The following MEFV variants were observed in gnomAD, a reference collection of about 807,000 sequenced individuals.
The protein encoded by MEFV is pyrin.
In MEFV, 60 loss-of-function variants were observed where a neutral mutation model predicts 62.5. The observed-to-expected ratio is 0.96, with a 90% confidence interval of 0.78 to 1.19. MEFV has a LOEUF of 1.19. MEFV is among the 50% of genes most tolerant of loss of function. MEFV has a pLI of 0.00. For synonymous variants in MEFV, 500 were observed against 415.2 expected, an observed-to-expected ratio of 1.20 and a Z score of -2.48; for missense variants, 1,169 against 1,004.5, an observed-to-expected ratio of 1.16 and a Z score of -2.21.
In MEFV at chr16:3,254,278, C is replaced by G; in HGVS notation, c.790G>C (p.Glu264Gln). Reference protein sequence around the residue: ...PANPEILLTLEEKTAANLDSA... With the variant: ...PANPEILLTLQEKTAANLDSA... ...TCCAGATTCGCAGCTGTCTTTTCCT[C>G]TAGAGTCAGGAGAATTTCTGGATTT... is the stretch of plus-strand genomic sequence containing the variant. The change falls in exon 2 of 10, where the codon GAG (glutamate) becomes CAG (glutamine). Residue 264 changes from glutamate (E) to glutamine (Q), a missense_variant. Physicochemically the swap from Glu to Gln is conservative, Grantham distance 29. Transcript: ENST00000219596. 6.2e-7 allele frequency: 1 copy of G among 1,614,262 alleles called. No homozygotes were observed. Among genetic ancestry groups the G allele is most frequent in the East Asian group, 2.2e-5 (1 of 44,886 alleles).
intron 1 of MEFV, 28 bp downstream of exon 1, chr16:3,256,283 G>A: frequency 6.2e-7 from 1 of 1,610,942 alleles, no homozygotes; most frequent in Non-Finnish European, 8.5e-7. Flanking sequence ...CTCAGCACTG[G>A]ATGAGGAGGA....
chr16:3,249,065 C>G, intron 3 of MEFV, 61 bp from the exon 4 acceptor site: 7 of 1,522,082 alleles, frequency 4.6e-6, no homozygotes, highest in Non-Finnish European at 5.5e-6. Context: ...TAGCTGGTGC[C>G]AACTCTGGAG....
At position 3,249,674 on chromosome 16, in the gene MEFV, A is replaced by G. The variant is rs1567234772; in HGVS notation, c.1017T>C (p.Ser339=). ...RDSCSFPEAV[S]GHPQASGSRS... is the part of the protein sequence containing the mutation. ...GGCTGCCTGAGGCCTGGGGGTGCCCAGAAACTGCCTCGGGGAAGCTGCAGG... is the reference window on the plus strand; with the variant it reads ...GGCTGCCTGAGGCCTGGGGGTGCCCGGAAACTGCCTCGGGGAAGCTGCAGG... Residue 339 remains serine (S), a synonymous_variant, in exon 3 of 10, where the codon TCT becomes TCC. Transcript: ENST00000219596. 27 of 1,612,992 alleles carry G rather than the reference A, an allele frequency of 1.7e-5. No homozygotes were observed. Among genetic ancestry groups the G allele is most frequent in the Non-Finnish European group, 2.2e-5 (26 of 1,179,152 alleles).
intron 9 of MEFV, 59 bp downstream of exon 9, chr16:3,243,801 T>C (rs1958897690): frequency 1.9e-6 from 3 of 1,608,410 alleles, no homozygotes; most frequent in African/African-American, 2.7e-5. Context: ...TGGAACGTGG[T>C]AGGGGAGAGC....
chr16:3,248,720 C>CT, intron 4 of MEFV, 189 bp downstream of exon 4: 1 of 985,330 alleles, frequency 1.0e-6, no homozygotes, highest in Non-Finnish European at 1.2e-6. Flanking sequence ...GAGGTGACCC[C>CT]TGCCTGCTGG....
Position 3,254,301 on chromosome 16 carries a change from T to C in MEFV, c.767A>G (p.Asn256Ser), listed in dbSNP as rs1347999744. Residue 256 changes from asparagine (N) to serine (S), a missense_variant, in exon 2 of 10, where the codon AAT (asparagine) becomes AGT (serine). Coordinates refer to ENST00000219596, the MANE Select transcript of MEFV (RefSeq NM_000243.3). Reference sequence around the variant, plus strand: ...CTCTAGAGTCAGGAGAATTTCTGGATTTGCGGGCGCCTTCTCCCCTGTAGA... The same window carrying C: ...CTCTAGAGTCAGGAGAATTTCTGGACTTGCGGGCGCCTTCTCCCCTGTAGA... ...TISTGEKAPA[N>S]PEILLTLEEK... 6.2e-7 allele frequency: 1 copy of C among 1,614,110 alleles called. No individual in the cohort carries two copies. Among genetic ancestry groups the C allele is most frequent in the Non-Finnish European group, 8.5e-7 (1 of 1,180,034 alleles).
rs984945497 is a variant in MEFV, at chr16:3,254,201, C to A, written c.867G>T (p.Ala289=). ...ARPTPDGGAS[A]DLKEGPGNPE... ...GATTTCCAGGGCCTTCCTTCAGGTC[C>A]GCAGATGCCCCTCCATCCGGAGTGG... The change falls in exon 2 of 10, where the codon GCG becomes GCT. Residue 289 remains alanine, a synonymous_variant. Transcript: ENST00000219596. 6.2e-7 allele frequency: 1 copy of A among 1,614,244 alleles called. No homozygotes were observed. The highest frequency in any genetic ancestry group is 8.5e-7 in the Non-Finnish European group (1 of 1,180,042).
chr16:3,243,009 G>A lies in MEFV; in HGVS notation c.*132C>T, dbSNP rs1023034951. 1.6e-5 allele frequency: 17 copies of A among 1,038,156 alleles called. No homozygotes were observed. Among genetic ancestry groups the A allele is most frequent in the Admixed American group, 4.0e-5 (2 of 50,048 alleles). The allele number at this position is 1,038,156 out of a possible 1,614,324, so 64.3% of individuals were successfully genotyped here. ...CCTCTGCTATAATCGGGTAGGCTCC[G>A]TGGGCACAGTAACTATTTTGTTATT... On this transcript the variant is annotated 3_prime_UTR_variant, in exon 10 of 10. Coordinates refer to ENST00000219596, the MANE Select transcript of MEFV (RefSeq NM_000243.3).
chr16:3,254,009 C>A, intron 2 of MEFV, 149 bp downstream of exon 2: 1 of 872,140 alleles, frequency 1.1e-6, no homozygotes, highest in Non-Finnish European at 1.8e-6. Context: ...GGTCTCACTA[C>A]ATTCACCAGG....
In MEFV at chr16:3,243,077, G is replaced by A. The variant is rs1958880376; in HGVS notation, c.*64C>T. 2.6e-6 allele frequency: 4 copies of A among 1,560,252 alleles called. No individual in the cohort carries two copies. Among genetic ancestry groups the A allele is most frequent in the Non-Finnish European group, 3.5e-6 (4 of 1,133,590 alleles). ...AGCTAGCACCTAGTCGGCATTCCGT[G>A]ACTATTGAGTGTGAATGCAAGATAC... On this transcript the variant is annotated 3_prime_UTR_variant, in exon 10 of 10. Coordinates refer to ENST00000219596, the MANE Select transcript of MEFV (RefSeq NM_000243.3).
In MEFV at chr16:3,256,414, G is replaced by T. The variant is rs1217681506; in HGVS notation, c.174C>A (p.Val58=). 20 of 1,614,066 alleles carry T rather than the reference G, an allele frequency of 1.2e-5. No homozygotes were observed. The highest frequency in any genetic ancestry group is 1.7e-5 in the Non-Finnish European group (20 of 1,180,046). Reference sequence around the variant, plus strand: ...CGGCGTACTCTTCCCCATAGTAGGTGACCAGCAGAGTGGCCATCTTCACCG... The same window carrying T: ...CGGCGTACTCTTCCCCATAGTAGGTTACCAGCAGAGTGGCCATCTTCACCG... The part of the protein sequence containing the change: ...ARPVKMATLL[V]TYYGEEYAVQ... The change falls in exon 1 of 10, where the codon GTC becomes GTA. Residue 58 remains valine (V), a synonymous_variant. Transcript: ENST00000219596.
chr16:3,253,095 T>C (rs963590247), intron 2 of MEFV, among the ~76,000 whole-genome samples: 4 of 151,762 alleles, frequency 2.6e-5, no homozygotes, highest in Non-Finnish European at 5.9e-5. Context: ...TCTTTACCTA[T>C]AGGGACAGCT....
chr16:3,250,197 C>G (rs550552443), intron 2 of MEFV, among the ~76,000 whole-genome samples: 7 of 152,304 alleles, frequency 4.6e-5, no homozygotes, highest in Middle Eastern at 6.8e-3. Context: ...GTACCTCGCT[C>G]CTAGCTGGAT....
chr16:3,247,239 G>C lies in MEFV; in HGVS notation c.1364C>G (p.Thr455Ser). 1 of 1,614,096 alleles carries C rather than the reference G, an allele frequency of 6.2e-7. No homozygotes were observed. The highest frequency in any genetic ancestry group is 8.5e-7 in the Non-Finnish European group (1 of 1,180,024). ...EEKAVSFLKQ[T>S]EALKQRVQRK... is the part of the protein sequence containing the mutation. ...CTGCACCCGCTGCTTCAGCGCTTCA[G>C]TTTGTTTCTGGGGAGCAGAGGACAG... The change falls in exon 5 of 10, where the codon ACT (threonine) becomes AGT (serine). Residue 455 changes from threonine to serine, a missense_variant. Physicochemically the swap from Thr to Ser is moderately conservative, Grantham distance 58. Transcript: ENST00000219596.
chr16:3,254,711 C>A lies in MEFV; in HGVS notation c.357G>T (p.Lys119Asn). ...SLGENKPRSL[K>N]TPDHPEGNEG... ...CGTTCCCCTCGGGGTGGTCTGGAGT[C>A]TTCAGGCTCCTGGGCTTGTTCTCCC... Residue 119 changes from lysine to asparagine, a missense_variant, in exon 2 of 10, where the codon AAG becomes AAT. Transcript: ENST00000219596. 2 of 1,612,874 alleles carry A rather than the reference C, an allele frequency of 1.2e-6. No individual in the cohort carries two copies. The highest frequency in any genetic ancestry group is 2.2e-5 in the South Asian group (2 of 91,092).
intron 2 of MEFV, among the ~76,000 whole-genome samples, chr16:3,250,881 G>T (rs529624636): frequency 6.6e-6 from 1 of 150,902 alleles, no homozygotes; most frequent in African/African-American, 2.4e-5. Flanking sequence ...AAAATTAGCC[G>T]GACGTGGTGG....
In MEFV at chr16:3,243,677, C is replaced by T. The variant is rs1958896046; in HGVS notation, c.1810G>A (p.Ala604Thr). 13 of 1,608,464 alleles carry T rather than the reference C, an allele frequency of 8.1e-6. No homozygotes were observed. Among genetic ancestry groups the T allele is most frequent in the East Asian group, 2.2e-5 (1 of 44,830 alleles). The part of the protein sequence containing the change: ...QAHAVNVILD[A>T]ETAYPNLIFS... ...ATGAGGTTGGGGTAAGCGGTTTCTG[C>T]ATCCAGAATCACATTAACTGCAAAG... The change falls in exon 10 of 10, where the codon GCA becomes ACA. Residue 604 changes from alanine to threonine, a missense_variant. Coordinates refer to ENST00000219596, the MANE Select transcript of MEFV (RefSeq NM_000243.3).
intron 1 of MEFV, 114 bp downstream of exon 1, chr16:3,256,197 A>G: frequency 7.9e-7 from 1 of 1,264,854 alleles, no homozygotes; most frequent in Middle Eastern, 2.6e-4. Context: ...ATTTTGGTAG[A>G]CCTGAGACTC....
Position 3,243,386 on chromosome 16 carries a change from C to G in MEFV, c.2101G>C (p.Ala701Pro), listed in dbSNP as rs547379518. The change falls in exon 10 of 10, where the codon GCG (alanine) becomes CCG (proline). Residue 701 changes from alanine to proline, a missense_variant. By Grantham distance (27) the Ala-to-Pro change is conservative. Coordinates refer to ENST00000219596, the MANE Select transcript of MEFV (RefSeq NM_000243.3). ...AGGCGGGTCGGGGGAACGCTGGACG[C>G]CTGGTACTCATTTTCCTTCATCATT... ...VIMMKENEYQASSVPPTRLLI... is the reference protein window; with the variant it reads ...VIMMKENEYQPSSVPPTRLLI... The G allele has an allele frequency of 6.2e-7, 1 of 1,614,158 alleles. No homozygotes were observed. Among genetic ancestry groups the G allele is most frequent in the South Asian group, 1.1e-5 (1 of 91,086 alleles).
Sources: allele counts gnomAD v4.1 joint callset (sites outside exome capture counted in the v4.1 genomes callset), GRCh38; gene constraint gnomAD v4.1.1; transcripts MANE v1.5; gene names NCBI Gene and HGNC (gene_info 2026-07-23, HGNC 2026-07-21).